Variants in PRIM2 observed in about 807,000 individuals in gnomAD.
PRIM2 encodes DNA primase subunit 2, also known as DNA primase large subunit.
In PRIM2, 39 loss-of-function variants were observed where a neutral mutation model predicts 67.3. That is an observed-to-expected ratio of 0.58 (90% CI 0.45 to 0.76). The LOEUF (loss-of-function observed/expected upper bound fraction) is 0.76. Ranked by LOEUF, PRIM2 falls within the 30% of genes least tolerant of loss-of-function variation. PRIM2 has a pLI of 0.00. For missense variants in PRIM2, 398 were observed against 598.7 expected, an observed-to-expected ratio of 0.66 and a Z score of 3.50; for synonymous variants, 143 against 198.7, an observed-to-expected ratio of 0.72 and a Z score of 2.36.
At chr6:57,432,318 G>A (rs1234111443) in intron 7 of PRIM2, among the ~76,000 whole-genome samples, 5 of 152,170 alleles carry the variant, frequency 3.3e-5, no homozygotes, top group African/African-American at 1.2e-4. Context: ...AACAGGATAT[G>A]TATGTGGAAA....
intron 5 of PRIM2, among the ~76,000 whole-genome samples, chr6:57,346,978 C>T (rs1230180241): frequency 2.6e-5 from 4 of 152,120 alleles, no homozygotes; most frequent in African/African-American, 9.7e-5. Flanking sequence ...AGTTAATACC[C>T]CTATTCTGGA....
intron 5 of PRIM2, among the ~76,000 whole-genome samples, chr6:57,361,489 A>T (rs9475876): frequency 3.7e-4 from 52 of 141,786 alleles, no homozygotes; most frequent in African/African-American, 9.8e-4. Context: ...GGGCACATGG[A>T]TGAGATGGTT....
chr6:57,345,243 T>C (rs1768632377), intron 5 of PRIM2, among the ~76,000 whole-genome samples: 1 of 152,132 alleles, frequency 6.6e-6, no homozygotes, highest in Non-Finnish European at 1.5e-5. Flanking sequence ...CTGCAACCTT[T>C]GCCTCCTGAG....
At chr6:57,616,085 C>A (rs1457171861) in intron 12 of PRIM2, among the ~76,000 whole-genome samples, 2 of 152,126 alleles carry the variant, frequency 1.3e-5, no homozygotes, top group Non-Finnish European at 2.9e-5. Flanking sequence ...TTATTGTAAT[C>A]TCTGAATGCT....
chr6:57,593,403 A>T (rs1776315909), intron 10 of PRIM2, among the ~76,000 whole-genome samples: 1 of 152,080 alleles, frequency 6.6e-6, no homozygotes, highest in Admixed American at 6.5e-5. Flanking sequence ...CCCGGGTTCA[A>T]GTGACTCTCT....
chr6:57,383,492 T>A (rs1770029772), intron 7 of PRIM2: 1 of 152,000 alleles, frequency 6.6e-6, no homozygotes, highest in Non-Finnish European at 1.5e-5. Context: ...TCTTACCAAA[T>A]TTTTAATTTA....
intron 7 of PRIM2, among the ~76,000 whole-genome samples, chr6:57,461,422 C>T (rs1392368107): frequency 6.6e-6 from 1 of 152,180 alleles, no homozygotes. Context: ...CTGACAAGTT[C>T]TGGCAACAGA....
At chr6:57,582,615 T>C (rs1776114787) in intron 10 of PRIM2, among the ~76,000 whole-genome samples, 1 of 152,174 alleles carries the variant, frequency 6.6e-6, no homozygotes, top group African/African-American at 2.4e-5. Context: ...CTGGTTTTCA[T>C]TGAAATCAGA....
the PRIM2 span, among the ~76,000 whole-genome samples, chr6:57,281,154 T>G: frequency 6.6e-6 from 1 of 152,346 alleles, no homozygotes; most frequent in Admixed American, 6.5e-5. Context: ...TTTCTGTGAC[T>G]GAATAGCATT....
At chr6:57,529,802 T>A (rs1307536889) in intron 8 of PRIM2, among the ~76,000 whole-genome samples, 2 of 152,186 alleles carry the variant, frequency 1.3e-5, no homozygotes, top group African/African-American at 2.4e-5. Flanking sequence ...TTTCTGTGCT[T>A]ATAACAGAAT....
intron 7 of PRIM2, among the ~76,000 whole-genome samples, chr6:57,470,056 A>G (rs1341162588): frequency 2.0e-5 from 3 of 152,132 alleles, no homozygotes; most frequent in African/African-American, 7.2e-5. Flanking sequence ...TTTCCATTTT[A>G]ACTTAAGTTC....
the PRIM2 span, among the ~76,000 whole-genome samples, chr6:57,245,122 C>G: frequency 1.8e-4 from 28 of 152,248 alleles, 1 homozygote; most frequent in African/African-American, 6.3e-4. Flanking sequence ...TTTGCCCCCA[C>G]CAGTCTAGGC....
At chr6:57,550,382 C>G (rs1272325824) in intron 10 of PRIM2, among the ~76,000 whole-genome samples, 1 of 151,980 alleles carries the variant, frequency 6.6e-6, no homozygotes, top group Non-Finnish European at 1.5e-5. Flanking sequence ...TTGACTTGAA[C>G]AGGTTGGGCT....
chr6:57,525,976 T>G (rs2127465980), intron 8 of PRIM2, among the ~76,000 whole-genome samples: 1 of 152,346 alleles, frequency 6.6e-6, no homozygotes, highest in South Asian at 2.1e-4. Flanking sequence ...AATTAGAATC[T>G]TTTACATCCA....
In PRIM2 at chr6:57,420,315, CA is replaced by C. The variant is rs368755673; in HGVS notation, c.693+38149del. Among the ~76,000 whole-genome samples the C allele has an allele frequency of 9.5e-4, 144 of 152,112 alleles. 2 individuals carry two copies. Among genetic ancestry groups the C allele is most frequent in the African/African-American group, 3.3e-3 (138 of 41,466 alleles). The stretch of plus-strand genomic sequence containing the variant: ...GTCAGGGGTTCAAGACCAATGTGAC[CA>C]ACGTGGTGAAACCCTGTCTCTACTA... On this transcript the variant is annotated intron_variant, in intron 7 of 13. Transcript: ENST00000615550.
chr6:57,430,447 G>GT (rs71687266), intron 7 of PRIM2, among the ~76,000 whole-genome samples: 6,537 of 78,150 alleles, frequency 0.084, 696 homozygotes, highest in Non-Finnish European at 0.12. Flanking sequence ...TTCTTTCTTT[G>GT]TTTTTTTTTT....
intron 12 of PRIM2, among the ~76,000 whole-genome samples, chr6:57,630,397 T>C (rs1188068320): frequency 2.0e-5 from 3 of 152,134 alleles, no homozygotes; most frequent in African/African-American, 7.2e-5. Flanking sequence ...TTAATTTTTT[T>C]ATGGACCCTA....
intron 7 of PRIM2, among the ~76,000 whole-genome samples, chr6:57,456,902 T>C (rs1303067067): frequency 1.4e-3 from 216 of 152,342 alleles, no homozygotes; most frequent in African/African-American, 4.1e-3. Context: ...CTCTGTTTTT[T>C]CCCCATCTTT....
chr6:57,581,321 G>A (rs1308966818), intron 10 of PRIM2, among the ~76,000 whole-genome samples: 1 of 152,066 alleles, frequency 6.6e-6, no homozygotes, highest in Non-Finnish European at 1.5e-5. Flanking sequence ...CTGCTACTGA[G>A]GTAGAGACTA....
Sources: allele counts gnomAD v4.1 joint callset (sites outside exome capture counted in the v4.1 genomes callset), GRCh38; gene constraint gnomAD v4.1.1; transcripts MANE v1.5; gene names NCBI Gene and HGNC (gene_info 2026-07-23, HGNC 2026-07-21).